VPS13B: variants seen among roughly 807,000 people sequenced by gnomAD.
VPS13B encodes the protein vacuolar protein sorting 13 homolog B.
Under a neutral mutation model 426.4 loss-of-function variants are expected in VPS13B, and 285 were observed. That is an observed-to-expected ratio of 0.67 (90% CI 0.61 to 0.74). VPS13B has a LOEUF of 0.74. Among genes scored for constraint, VPS13B ranks in the 30% least tolerant of loss-of-function variants. VPS13B has a pLI of 0.00. For synonymous variants in VPS13B, 1,676 were observed against 1,676.4 expected (o/e 1.00, Z 0.01); for missense variants, 4,537 against 4,782.6 (o/e 0.95, Z 1.51).
chr8:99,669,549 C>T (rs979504022), intron 35 of VPS13B, among the ~76,000 whole-genome samples: 16 of 152,072 alleles, frequency 1.1e-4, no homozygotes, highest in African/African-American at 3.9e-4. Flanking sequence ...ATTTAAATAA[C>T]ATGGTTATAT....
rs191936017 is a variant in VPS13B, at chr8:99,572,057, A to G, written c.4950-3601A>G. The stretch of plus-strand genomic sequence containing the variant: ...CTTTTTCATGAGATAATTTATGCCA[A>G]TTCTCTGATTTGAACTTTATCATTT... On this transcript the variant is annotated intron_variant, in intron 31 of 61. Transcript: ENST00000357162. Among the ~76,000 whole-genome samples the G allele has an allele frequency of 1.6e-4, 25 of 152,308 alleles. No homozygotes were observed. The East Asian group carries it at 4.6e-3, about 28-fold the overall frequency.
intron 20 of VPS13B, among the ~76,000 whole-genome samples, chr8:99,387,786 A>C (rs1223215093): frequency 1.3e-5 from 2 of 152,174 alleles, no homozygotes; most frequent in Non-Finnish European, 2.9e-5. Context: ...AGTATTGGTG[A>C]AAATGTAGAG....
chr8:99,868,477 G>GA lies in VPS13B; in HGVS notation c.11392+16dup. On this transcript the variant is annotated intron_variant, in intron 59 of 61. Coordinates refer to ENST00000357162, the MANE Select transcript of VPS13B (RefSeq NM_152564.5). ...ACAGACTGGCTATGGTAAGTCGGTG[G>GA]AAAACCCATCAGGCCAACCCAGACG... is the stretch of plus-strand genomic sequence containing the variant. The GA allele has an allele frequency of 6.2e-7, 1 of 1,603,634 alleles. No individual in the cohort carries two copies.
At chr8:99,593,465 A>G (rs1397527315) in intron 33 of VPS13B, among the ~76,000 whole-genome samples, 2 of 152,018 alleles carry the variant, frequency 1.3e-5, no homozygotes, top group Non-Finnish European at 2.9e-5. Context: ...GTTGAGTGGG[A>G]GTATAAATTC....
chr8:99,233,766 C>T, intron 17 of VPS13B: 1 of 779,276 alleles, frequency 1.3e-6, no homozygotes, highest in Non-Finnish European at 2.4e-6. Context: ...ACATTTCTGC[C>T]TTCTTTTCCA....
At chr8:99,846,344 G>A (rs953051186) in intron 54 of VPS13B, among the ~76,000 whole-genome samples, 11 of 152,226 alleles carry the variant, frequency 7.2e-5, no homozygotes, top group Non-Finnish European at 1.0e-4. Flanking sequence ...TGAGCAGTGC[G>A]AGGGTAGGAT....
intron 6 of VPS13B, among the ~76,000 whole-genome samples, chr8:99,113,073 C>T (rs1847456992): frequency 6.7e-6 from 1 of 149,710 alleles, no homozygotes. Context: ...TGTTTCCCTC[C>T]CCTCTCCTCC....
chr8:99,130,773 A>C (rs1268980926), intron 8 of VPS13B, among the ~76,000 whole-genome samples: 1 of 152,226 alleles, frequency 6.6e-6, no homozygotes, highest in East Asian at 1.9e-4. Context: ...AGTTTACTTC[A>C]GTAATCATTC....
At position 99,812,217 on chromosome 8, in the gene VPS13B, T is replaced by A. The variant is rs987501846; in HGVS notation, c.8097+2687T>A. Among the ~76,000 whole-genome samples, 11 of 152,334 alleles carry A rather than the reference T, an allele frequency of 7.2e-5. No homozygotes were observed. In the East Asian group the frequency reaches 1.2e-3, roughly 16 times the overall value. ...CACCCACAAGCAAAAATGTTAAATG[T>A]CTTTTTCAATTGGATTTAATTTTTG... On this transcript the variant is annotated intron_variant, in intron 44 of 61. Coordinates refer to ENST00000357162, the MANE Select transcript of VPS13B (RefSeq NM_152564.5).
intron 39 of VPS13B, among the ~76,000 whole-genome samples, chr8:99,762,515 T>C (rs1042866290): frequency 3.9e-5 from 6 of 152,190 alleles, no homozygotes; most frequent in Non-Finnish European, 8.8e-5. Flanking sequence ...TTTTAACAGG[T>C]ATGTAGCAGA....
At chr8:99,325,929 G>T (rs1418318167) in intron 19 of VPS13B, among the ~76,000 whole-genome samples, 1 of 151,884 alleles carries the variant, frequency 6.6e-6, no homozygotes, top group African/African-American at 2.4e-5. Context: ...TTTTTGCCCT[G>T]ATTAAATTAT....
intron 5 of VPS13B, among the ~76,000 whole-genome samples, chr8:99,107,143 G>T (rs1285057898): frequency 6.6e-6 from 1 of 152,072 alleles, no homozygotes; most frequent in Non-Finnish European, 1.5e-5. Flanking sequence ...TTACTAACAA[G>T]TAATGCACGA....
chr8:99,804,893 G>A (rs1394195707), intron 43 of VPS13B, among the ~76,000 whole-genome samples: 3 of 152,062 alleles, frequency 2.0e-5, no homozygotes, highest in Non-Finnish European at 2.9e-5. Context: ...AGCTACTCGG[G>A]AGGCTGAGGC....
chr8:99,725,407 C>T (rs191781188), intron 39 of VPS13B, among the ~76,000 whole-genome samples: 1 of 152,254 alleles, frequency 6.6e-6, no homozygotes, highest in East Asian at 1.9e-4. Context: ...TTCATATGAG[C>T]GCAAACCCTA....
intron 22 of VPS13B, among the ~76,000 whole-genome samples, chr8:99,437,140 G>C: frequency 6.6e-6 from 1 of 152,224 alleles, no homozygotes; most frequent in East Asian, 1.9e-4. Context: ...TAAAGGTTTC[G>C]AATGATTATT....
chr8:99,431,937 A>G (rs1270411756), intron 22 of VPS13B, among the ~76,000 whole-genome samples: 1 of 152,070 alleles, frequency 6.6e-6, no homozygotes, highest in African/African-American at 2.4e-5. Context: ...TTGTTTAAGC[A>G]TTATTTTCAC....
At chr8:99,114,499 C>T (rs1226890519) in intron 6 of VPS13B, among the ~76,000 whole-genome samples, 1 of 152,114 alleles carries the variant, frequency 6.6e-6, no homozygotes, top group African/African-American at 2.4e-5. Flanking sequence ...TTGCTGACTG[C>T]TTATTACCAG....
chr8:99,754,954 G>C (rs1246683924), intron 39 of VPS13B, among the ~76,000 whole-genome samples: 1 of 152,116 alleles, frequency 6.6e-6, no homozygotes, highest in Non-Finnish European at 1.5e-5. Flanking sequence ...CAATTGATTA[G>C]TTTTAAAGTT....
chr8:99,474,022 A>G (rs1819552558), intron 24 of VPS13B, among the ~76,000 whole-genome samples: 1 of 152,148 alleles, frequency 6.6e-6, no homozygotes, highest in Admixed American at 6.5e-5. Flanking sequence ...ATATCTCCTC[A>G]TAGTTTGGAA....
Sources: gnomAD v4.1 joint callset for allele counts (sites outside exome capture counted in the v4.1 genomes callset) on GRCh38, gnomAD v4.1.1 for gene constraint, MANE v1.5 for transcripts, NCBI Gene and HGNC (gene_info 2026-07-23, HGNC 2026-07-21) for gene names.